ALS2: variants seen among roughly 807,000 people sequenced by gnomAD.
The protein encoded by ALS2 is alsin Rho guanine nucleotide exchange factor ALS2.
In ALS2, 117 loss-of-function variants were observed where a neutral mutation model predicts 203.4. The ratio of observed to expected loss-of-function variants is 0.58; its 90% CI spans 0.50 to 0.67. The LOEUF is 0.67. Among genes scored for constraint, ALS2 ranks in the 30% least tolerant of loss-of-function variants. The pLI, the probability that ALS2 is intolerant of heterozygous loss-of-function variation, is 0.00. For missense variants in ALS2, 1,715 were observed against 1,989.4 expected, an observed-to-expected ratio of 0.86 and a Z score of 2.62; for synonymous variants, 718 against 725.9, an observed-to-expected ratio of 0.99 and a Z score of 0.17.
Position 201,767,304 on chromosome 2 carries a change from T to C in ALS2, c.100A>G (p.Arg34Gly). The change falls in exon 3 of 34, where the codon AGA becomes GGA. Residue 34 changes from arginine to glycine, a missense_variant. Arg to Gly is a moderately radical substitution (Grantham distance 125). Coordinates refer to ENST00000264276, the MANE Select transcript of ALS2 (RefSeq NM_020919.4). ...GTCTTTCCTCCCCAGCCTGGCAATC[T>C]CTCTGGTGTTATGGGAAAGGATCCT... ...QAGSFPITPE[R>G]LPGWGGKTVL... is the part of the protein sequence containing the mutation. 1 of 1,613,854 alleles carries C rather than the reference T, an allele frequency of 6.2e-7. No homozygotes were observed. The highest frequency in any genetic ancestry group is 1.3e-5 in the African/African-American group (1 of 74,922).
intron 24 of ALS2, among the ~76,000 whole-genome samples, chr2:201,716,454 G>A (rs1360178709): frequency 1.4e-5 from 2 of 146,742 alleles, no homozygotes; most frequent in Non-Finnish European, 3.0e-5. Context: ...TGGGGCAGGA[G>A]AATCGCTTGA....
At chr2:201,780,045 G>A (rs1694825523) in intron 1 of ALS2, 1 of 152,186 alleles carries the variant, frequency 6.6e-6, no homozygotes. Flanking sequence ...ACTGAGTAAA[G>A]ATCTTCACTT....
At chr2:201,711,773 T>G (rs1690039819) in intron 25 of ALS2, among the ~76,000 whole-genome samples, 2 of 152,204 alleles carry the variant, frequency 1.3e-5, no homozygotes, top group Non-Finnish European at 2.9e-5. Flanking sequence ...ATCATTATTA[T>G]TAGAGATTTT....
At chr2:201,720,891 C>T (rs1461292083) in intron 23 of ALS2, among the ~76,000 whole-genome samples, 1 of 151,900 alleles carries the variant, frequency 6.6e-6, no homozygotes, top group African/African-American at 2.4e-5. Flanking sequence ...AAGAAAGAAG[C>T]AAAAATGTCT....
Position 201,748,270 on chromosome 2 carries a change from C to T in ALS2, c.1815+1442G>A, listed in dbSNP as rs752472861. Among the ~76,000 whole-genome samples, 2 of 152,120 alleles carry T rather than the reference C, an allele frequency of 1.3e-5. 1 individual carries two copies. The highest frequency in any genetic ancestry group is 4.8e-5 in the African/African-American group (2 of 41,412). Reference sequence around the variant, plus strand: ...TCTTCTTCTGGCATGACATTATGTTCTCAAATTCAGGCGATCCAAATAACG... The same window carrying T: ...TCTTCTTCTGGCATGACATTATGTTTTCAAATTCAGGCGATCCAAATAACG... On this transcript the variant is annotated intron_variant, in intron 8 of 33. Transcript: ENST00000264276.
At chr2:201,775,390 T>C (rs1694611246) in intron 1 of ALS2, among the ~76,000 whole-genome samples, 1 of 152,236 alleles carries the variant, frequency 6.6e-6, no homozygotes, top group African/African-American at 2.4e-5. Flanking sequence ...TATTACAATG[T>C]AGTAAACCAG....
At chr2:201,716,412 C>G (rs962566956) in intron 24 of ALS2, among the ~76,000 whole-genome samples, 4 of 152,142 alleles carry the variant, frequency 2.6e-5, no homozygotes, top group African/African-American at 7.2e-5. Context: ...GGCATGGTGG[C>G]ACATGCCTGT....
At chr2:201,777,440 T>C (rs1694709934) in intron 1 of ALS2, among the ~76,000 whole-genome samples, 1 of 152,084 alleles carries the variant, frequency 6.6e-6, no homozygotes, top group African/African-American at 2.4e-5. Flanking sequence ...CAAAGTAAAA[T>C]AAAGCAAACA....
intron 8 of ALS2, among the ~76,000 whole-genome samples, chr2:201,748,326 T>G (rs1460425656): frequency 1.3e-5 from 2 of 152,154 alleles, no homozygotes; most frequent in Non-Finnish European, 2.9e-5. Flanking sequence ...AAGGACGCAT[T>G]ACAATTTTTG....
In ALS2 at chr2:201,761,350, G is replaced by C; in HGVS notation, c.644C>G (p.Ala215Gly). 1 of 1,614,090 alleles carries C rather than the reference G, an allele frequency of 6.2e-7. No individual in the cohort carries two copies. The highest frequency in any genetic ancestry group is 8.5e-7 in the Non-Finnish European group (1 of 1,179,998). Residue 215 changes from alanine to glycine, a missense_variant, in exon 4 of 34, where the codon GCC becomes GGC. Ala to Gly is a moderately conservative substitution (Grantham distance 60). Transcript: ENST00000264276. The part of the protein sequence containing the change: ...QVACGAFHSL[A>G]LVQCLPSQDL... ...CTGGGAAGGGAGGCATTGTACAAGGGCTAAGCTGTGGAAAGCACCACAGGC... is the reference window on the plus strand; with the variant it reads ...CTGGGAAGGGAGGCATTGTACAAGGCCTAAGCTGTGGAAAGCACCACAGGC...
chr2:201,754,203 G>A (rs909967303), intron 6 of ALS2, among the ~76,000 whole-genome samples: 1 of 151,990 alleles, frequency 6.6e-6, no homozygotes, highest in Non-Finnish European at 1.5e-5. Context: ...AGTAGAGACT[G>A]GGTTTTGCCA....
chr2:201,767,450 C>T (rs886941916), intron 2 of ALS2, 67 bp from the exon 3 acceptor site: 59 of 1,547,214 alleles, frequency 3.8e-5, no homozygotes, highest in Non-Finnish European at 4.8e-5. Context: ...GTTCTTAATA[C>T]TTTTCATGAT....
At chr2:201,751,438 G>A (rs1369185691) in intron 7 of ALS2, among the ~76,000 whole-genome samples, 1 of 152,060 alleles carries the variant, frequency 6.6e-6, no homozygotes, top group Non-Finnish European at 1.5e-5. Flanking sequence ...TAATTTAAAT[G>A]TATTTGCTAA....
Position 201,724,345 on chromosome 2 carries a change from C to A in ALS2, c.3462G>T (p.Gln1154His), listed in dbSNP as rs556027390. ...ATCCTGCTTTCTTATCCATTACCCA[C>A]TGGCCAATGAACATACTAGGAGAAG... ...TSSSPSMFIG[Q>H]WVMDKKAGYG... is the part of the protein sequence containing the mutation. Residue 1154 changes from glutamine to histidine, a missense_variant, in exon 21 of 34, where the codon CAG (glutamine) becomes CAT (histidine). Transcript: ENST00000264276. 7 of 1,613,886 alleles carry A rather than the reference C, an allele frequency of 4.3e-6. 1 individual carries two copies. The highest frequency in any genetic ancestry group is 1.6e-4 in the Middle Eastern group (1 of 6,084).
intron 33 of ALS2, among the ~76,000 whole-genome samples, chr2:201,703,459 A>G (rs1032949913): frequency 1.3e-5 from 2 of 152,198 alleles, no homozygotes; most frequent in Non-Finnish European, 2.9e-5. Flanking sequence ...TTCCTGTGAC[A>G]GTCACATACT....
Position 201,729,020 on chromosome 2 carries a change from T to G in ALS2, c.2712+32A>C, listed in dbSNP as rs747666055. On this transcript the variant is annotated intron_variant, in intron 14 of 33. Coordinates refer to ENST00000264276, the MANE Select transcript of ALS2 (RefSeq NM_020919.4). Reference sequence around the variant, plus strand: ...TGTTATCGAAATGGTTGCTGTTTGCTAGGGTAACAAATGACAACTGGCATG... The same window carrying G: ...TGTTATCGAAATGGTTGCTGTTTGCGAGGGTAACAAATGACAACTGGCATG... 5.0e-6 allele frequency: 8 copies of G among 1,614,050 alleles called. No individual in the cohort carries two copies. In the South Asian group the frequency reaches 8.8e-5, roughly 18 times the overall value.
intron 1 of ALS2, among the ~76,000 whole-genome samples, chr2:201,774,718 T>C (rs955443663): frequency 6.6e-6 from 1 of 152,238 alleles, no homozygotes; most frequent in African/African-American, 2.4e-5. Flanking sequence ...TTGCAAATGC[T>C]TAAATTTCAA....
At chr2:201,759,381 T>C in intron 4 of ALS2, 1 of 955,112 alleles carries the variant, frequency 1.0e-6, no homozygotes, top group African/African-American at 1.8e-5. Context: ...AACAAATAAA[T>C]TCCTTGTGAA....
chr2:201,746,628 C>A lies in ALS2; in HGVS notation c.1936G>T (p.Gly646Cys), dbSNP rs202013217. The A allele has an allele frequency of 6.2e-7, 1 of 1,614,014 alleles. No homozygotes were observed. Among genetic ancestry groups the A allele is most frequent in the Non-Finnish European group, 8.5e-7 (1 of 1,180,032 alleles). ...YYSGRQDPTE[G>C]DNLPENHSGS... ...CTGTGATTCTCTGGAAGGTTGTCAC[C>A]TTCTGTAGGGTCCTGTCGGCCACTG... The change falls in exon 9 of 34, where the codon GGT becomes TGT. Residue 646 changes from glycine (G) to cysteine (C), a missense_variant. Around this residue, in one of 3 missense-constraint regions of ALS2, gnomAD observed 1,227 missense variants for 1,413.5 expected, o/e 0.87. Transcript: ENST00000264276.
Sources: allele counts gnomAD v4.1 joint callset (sites outside exome capture counted in the v4.1 genomes callset), GRCh38; gene constraint gnomAD v4.1.1; regional missense constraint gnomAD v4.1.1; transcripts MANE v1.5; gene names NCBI Gene and HGNC (gene_info 2026-07-23, HGNC 2026-07-21).